Variants in ZNF385D observed in about 807,000 individuals in gnomAD.
ZNF385D encodes the protein zinc finger protein 385D.
ZNF385D carries 15 observed loss-of-function variants against 35.8 expected under a neutral mutation model. The ratio of observed to expected loss-of-function variants is 0.42; its 90% CI spans 0.28 to 0.64. The LOEUF is 0.64. ZNF385D is among the 30% of genes least tolerant of loss of function. The pLI is 0.23. For synonymous variants in ZNF385D, 212 were observed against 186.8 expected (o/e 1.13, Z -1.10); for missense variants, 474 against 494.6 (o/e 0.96, Z 0.39).
intron 3 of ZNF385D, among the ~76,000 whole-genome samples, chr3:21,995,119 G>C (rs1257094621): frequency 2.6e-5 from 4 of 152,242 alleles, no homozygotes; most frequent in African/African-American, 9.6e-5. Context: ...ATTTATATCA[G>C]TAGCATCAAT....
intron 3 of ZNF385D, among the ~76,000 whole-genome samples, chr3:21,794,425 G>A (rs1427352650): frequency 6.6e-6 from 1 of 152,148 alleles, no homozygotes; most frequent in Admixed American, 6.5e-5. Flanking sequence ...GGATTAGAAA[G>A]TTTCTGAAAC....
chr3:22,142,704 A>C (rs1277837499), intron 3 of ZNF385D, among the ~76,000 whole-genome samples: 1 of 152,096 alleles, frequency 6.6e-6, no homozygotes, highest in African/African-American at 2.4e-5. Context: ...GAGTGCAGGA[A>C]AGACGAATGA....
intron 4 of ZNF385D, among the ~76,000 whole-genome samples, chr3:21,468,844 G>A (rs937061863): frequency 6.6e-6 from 1 of 151,972 alleles, no homozygotes; most frequent in Admixed American, 6.6e-5. Context: ...CAGGGTAATC[G>A]CTTGAACTTG....
At chr3:21,917,769 C>T (rs1700260115) in intron 3 of ZNF385D, among the ~76,000 whole-genome samples, 1 of 152,166 alleles carries the variant, frequency 6.6e-6, no homozygotes, top group South Asian at 2.1e-4. Context: ...CATATCTGTA[C>T]CCTCAGTGGC....
intron 3 of ZNF385D, among the ~76,000 whole-genome samples, chr3:22,030,272 T>TATATATATATAC (rs1697871177): frequency 1.2e-5 from 1 of 82,872 alleles, no homozygotes; most frequent in African/African-American, 5.5e-5. Flanking sequence ...TATATATATA[T>TATATATATATAC]ATATATATAT....
intron 3 of ZNF385D, among the ~76,000 whole-genome samples, chr3:21,839,091 T>C (rs1269431951): frequency 6.6e-6 from 1 of 152,124 alleles, no homozygotes; most frequent in East Asian, 1.9e-4. Flanking sequence ...ATTAACATAA[T>C]TAACGATTAT....
chr3:22,318,393 G>T (rs1365304249), intron 2 of ZNF385D, among the ~76,000 whole-genome samples: 3 of 152,116 alleles, frequency 2.0e-5, no homozygotes, highest in Admixed American at 2.0e-4. Context: ...AACCTTGATC[G>T]ATCAATAAAG....
intron 3 of ZNF385D, among the ~76,000 whole-genome samples, chr3:21,932,412 A>G (rs1355954777): frequency 1.3e-5 from 2 of 149,822 alleles, no homozygotes; most frequent in Non-Finnish European, 3.0e-5. Context: ...ATGGGGATAG[A>G]TTTTTTTTTT....
intron 3 of ZNF385D, among the ~76,000 whole-genome samples, chr3:22,085,719 C>T (rs1700996859): frequency 6.6e-6 from 1 of 152,152 alleles, no homozygotes. Context: ...CCAGAATCAT[C>T]CTGATACCAA....
chr3:22,166,177 G>T (rs912462934), intron 3 of ZNF385D, among the ~76,000 whole-genome samples: 2 of 151,912 alleles, frequency 1.3e-5, no homozygotes, highest in Non-Finnish European at 2.9e-5. Flanking sequence ...TGTTTTTCGT[G>T]GCCTACATCA....
At chr3:21,834,547 G>C (rs989379839) in intron 3 of ZNF385D, among the ~76,000 whole-genome samples, 6 of 152,140 alleles carry the variant, frequency 3.9e-5, no homozygotes, top group African/African-American at 1.4e-4. Flanking sequence ...TCATTGACCT[G>C]TTGAATTAAA....
intron 3 of ZNF385D, among the ~76,000 whole-genome samples, chr3:21,957,739 C>T (rs1467682512): frequency 1.3e-5 from 2 of 152,090 alleles, no homozygotes; most frequent in Non-Finnish European, 2.9e-5. Context: ...ATGGATTTTC[C>T]CTCATGGCTT....
chr3:22,213,840 C>G (rs935388703), intron 2 of ZNF385D, among the ~76,000 whole-genome samples: 4 of 151,960 alleles, frequency 2.6e-5, no homozygotes, highest in African/African-American at 7.2e-5. Flanking sequence ...TCCTAAGTCC[C>G]AAATGTTTAC....
intron 3 of ZNF385D, among the ~76,000 whole-genome samples, chr3:22,109,552 G>C (rs1702401030): frequency 6.6e-6 from 1 of 152,240 alleles, no homozygotes; most frequent in African/African-American, 2.4e-5. Flanking sequence ...AGGCAAATAG[G>C]GTTTTTCTCA....
intron 1 of ZNF385D, among the ~76,000 whole-genome samples, chr3:21,729,461 A>G (rs953370060): frequency 1.3e-5 from 2 of 152,066 alleles, no homozygotes; most frequent in African/African-American, 4.8e-5. Flanking sequence ...TTCTACAAGC[A>G]GTGGAAGGCA....
At chr3:22,146,739 C>A (rs1366245648) in intron 3 of ZNF385D, among the ~76,000 whole-genome samples, 2 of 152,004 alleles carry the variant, frequency 1.3e-5, no homozygotes, top group African/African-American at 4.8e-5. Flanking sequence ...AGACTATAAA[C>A]CTAAAATTCA....
chr3:21,837,097 A>T (rs1188144541), intron 3 of ZNF385D, among the ~76,000 whole-genome samples: 1 of 152,140 alleles, frequency 6.6e-6, no homozygotes. Context: ...ATATGATGCT[A>T]GCATTGGAGT....
chr3:22,372,297 T>C (rs550297201), intron 2 of ZNF385D, among the ~76,000 whole-genome samples: 7 of 152,046 alleles, frequency 4.6e-5, no homozygotes, highest in African/African-American at 1.7e-4. Context: ...TGGTCCAAGG[T>C]CTGGGCGGTG....
chr3:21,423,555 A>G (rs1039987119), intron 7 of ZNF385D, among the ~76,000 whole-genome samples: 2 of 152,210 alleles, frequency 1.3e-5, no homozygotes, highest in Admixed American at 1.3e-4. Context: ...TTAGCAATAT[A>G]AAAAGCTTAT....
Sources: gnomAD v4.1 joint callset for allele counts (sites outside exome capture counted in the v4.1 genomes callset) on GRCh38, gnomAD v4.1.1 for gene constraint, MANE v1.5 for transcripts, NCBI Gene and HGNC (gene_info 2026-07-23, HGNC 2026-07-21) for gene names.